Variants in PTPRD observed in about 807,000 individuals in gnomAD.
PTPRD encodes the protein receptor-type tyrosine-protein phosphatase delta.
PTPRD carries 34 observed loss-of-function variants against 214.5 expected under a neutral mutation model. That is an observed-to-expected ratio of 0.16 (90% CI 0.12 to 0.21). The LOEUF (loss-of-function observed/expected upper bound fraction) is 0.21. Ranked by LOEUF, PTPRD falls within the 10% of genes least tolerant of loss-of-function variation. PTPRD has a pLI of 1.00. For missense variants in PTPRD, 2,545 were observed against 2,398.7 expected, an observed-to-expected ratio of 1.06 and a Z score of -1.27; for synonymous variants, 1,128 against 845.7, an observed-to-expected ratio of 1.33 and a Z score of -5.79.
At chr9:9,285,624 AT>A (rs370340709) in intron 9 of PTPRD, among the ~76,000 whole-genome samples, 1 of 151,604 alleles carries the variant, frequency 6.6e-6, no homozygotes, top group East Asian at 2.0e-4. Context: ...TCTGTTGACC[AT>A]TTTTTTAATT....
At chr9:9,452,874 A>G (rs925625578) in intron 8 of PTPRD, among the ~76,000 whole-genome samples, 5 of 151,592 alleles carry the variant, frequency 3.3e-5, no homozygotes, top group Non-Finnish European at 7.4e-5. Flanking sequence ...TATTTGCTCA[A>G]GCTCTTGAGA....
At chr9:10,179,320 CAA>C (rs1487112256) in intron 3 of PTPRD, among the ~76,000 whole-genome samples, 6 of 151,950 alleles carry the variant, frequency 3.9e-5, no homozygotes, top group East Asian at 1.9e-4. Flanking sequence ...GCACAAATAT[CAA>C]AAGTCTTTTT....
At chr9:9,910,812 T>G (rs906983661) in intron 5 of PTPRD, among the ~76,000 whole-genome samples, 3 of 152,056 alleles carry the variant, frequency 2.0e-5, no homozygotes, top group African/African-American at 7.2e-5. Context: ...ATGAGACTCC[T>G]AATGGACTGA....
intron 5 of PTPRD, among the ~76,000 whole-genome samples, chr9:9,889,709 G>C (rs924197155): frequency 1.3e-5 from 2 of 152,068 alleles, no homozygotes; most frequent in African/African-American, 2.4e-5. Context: ...TATGTCCATA[G>C]AGGGCCCTGG....
intron 2 of PTPRD, among the ~76,000 whole-genome samples, chr9:10,515,127 A>C (rs2049606796): frequency 6.6e-6 from 1 of 152,052 alleles, no homozygotes; most frequent in Admixed American, 6.6e-5. Flanking sequence ...TCTAATTTAT[A>C]GGCCTTTTAA....
intron 14 of PTPRD, among the ~76,000 whole-genome samples, chr9:8,566,309 A>T (rs2089167364): frequency 2.6e-5 from 4 of 152,066 alleles, no homozygotes; most frequent in Admixed American, 2.6e-4. Context: ...CTGTTTCGAA[A>T]TCTGTACGAA....
rs1241300068 is a variant in PTPRD at position 8,829,448 on chromosome 9, G to A, written c.-103-95502C>T. Among the ~76,000 whole-genome samples, 4 of 152,152 alleles carry A rather than the reference G, an allele frequency of 2.6e-5. No individual in the cohort carries two copies. In the East Asian group the frequency reaches 7.7e-4, roughly 29 times the overall value. ...CTGTTCTCGAGATTTATCATTTTGTGCATACATCAGTTCATTACTTTTGTA... is the reference window on the plus strand; with the variant it reads ...CTGTTCTCGAGATTTATCATTTTGTACATACATCAGTTCATTACTTTTGTA... On this transcript the variant is annotated intron_variant, in intron 11 of 45. Coordinates refer to ENST00000381196, the MANE Select transcript of PTPRD (RefSeq NM_002839.4).
At chr9:8,621,305 C>G (rs975202643) in intron 14 of PTPRD, among the ~76,000 whole-genome samples, 2 of 151,970 alleles carry the variant, frequency 1.3e-5, no homozygotes, top group African/African-American at 4.8e-5. Context: ...TTAATCAATG[C>G]TGTTAGCATA....
At chr9:10,339,372 CAAGAG>C (rs918391206) in intron 3 of PTPRD, among the ~76,000 whole-genome samples, 7 of 151,676 alleles carry the variant, frequency 4.6e-5, no homozygotes, top group Non-Finnish European at 1.0e-4. Context: ...TTTTGCTCTT[CAAGAG>C]AAAAGTAAGC....
chr9:8,792,747 G>C (rs1287339139), intron 11 of PTPRD, among the ~76,000 whole-genome samples: 1 of 152,066 alleles, frequency 6.6e-6, no homozygotes, highest in African/African-American at 2.4e-5. Context: ...CTCCACTAGA[G>C]GTAAAGACCT....
chr9:9,839,571 G>C (rs893839495), intron 5 of PTPRD, among the ~76,000 whole-genome samples: 2 of 151,994 alleles, frequency 1.3e-5, no homozygotes, highest in African/African-American at 4.8e-5. Flanking sequence ...ACAAATGGAA[G>C]AACATTCCAT....
At chr9:10,067,792 G>A (rs2097912091) in intron 3 of PTPRD, among the ~76,000 whole-genome samples, 1 of 151,738 alleles carries the variant, frequency 6.6e-6, no homozygotes, top group Admixed American at 6.6e-5. Context: ...CAGCACAAAC[G>A]AGTTAGATGC....
chr9:8,916,185 A>C (rs1316525629), intron 11 of PTPRD, among the ~76,000 whole-genome samples: 3 of 152,168 alleles, frequency 2.0e-5, no homozygotes, highest in African/African-American at 7.2e-5. Flanking sequence ...TGGTTTAGAA[A>C]GAATAATGTG....
At chr9:10,442,830 T>G (rs115623629) in intron 2 of PTPRD, among the ~76,000 whole-genome samples, 1 of 151,498 alleles carries the variant, frequency 6.6e-6, no homozygotes. Flanking sequence ...GAAAATAGGA[T>G]ACACTAATAA....
intron 5 of PTPRD, among the ~76,000 whole-genome samples, chr9:9,884,897 C>T (rs572958853): frequency 1.2e-4 from 18 of 152,178 alleles, no homozygotes; most frequent in Middle Eastern, 3.4e-3. Flanking sequence ...AATGGAACTA[C>T]GAGTCAATTA....
At chr9:10,209,736 G>T (rs569832303) in intron 3 of PTPRD, among the ~76,000 whole-genome samples, 18 of 152,006 alleles carry the variant, frequency 1.2e-4, no homozygotes, top group Non-Finnish European at 1.0e-4. Flanking sequence ...ACAGACAAAA[G>T]TCCTTTAAAG....
chr9:8,897,230 T>A (rs6477360), intron 11 of PTPRD, among the ~76,000 whole-genome samples: 1 of 151,938 alleles, frequency 6.6e-6, no homozygotes, highest in Non-Finnish European at 1.5e-5. Context: ...AAGCGTAAGT[T>A]GTAGACACTC....
At chr9:9,633,748 A>C (rs2154361180) in intron 7 of PTPRD, among the ~76,000 whole-genome samples, 1 of 152,348 alleles carries the variant, frequency 6.6e-6, no homozygotes, top group South Asian at 2.1e-4. Context: ...GGAAAGCTAC[A>C]CTAATCGCAA....
intron 11 of PTPRD, among the ~76,000 whole-genome samples, chr9:8,934,293 A>C (rs2098973747): frequency 6.7e-6 from 1 of 149,452 alleles, no homozygotes; most frequent in Non-Finnish European, 1.5e-5. Flanking sequence ...ATTCAGTTCC[A>C]ACTTGAACTA....
Sources: allele counts gnomAD v4.1 joint callset (sites outside exome capture counted in the v4.1 genomes callset), GRCh38; gene constraint gnomAD v4.1.1; transcripts MANE v1.5; gene names NCBI Gene and HGNC (gene_info 2026-07-23, HGNC 2026-07-21).